TCF12: variants seen among roughly 807,000 people sequenced by gnomAD.
The protein encoded by TCF12 is DNA-binding protein HTF4.
In TCF12, 45 loss-of-function variants were observed where a neutral mutation model predicts 86.0. The ratio of observed to expected loss-of-function variants is 0.52; its 90% CI spans 0.41 to 0.67. The LOEUF is 0.67. TCF12 is among the 30% of genes least tolerant of loss of function. TCF12 has a pLI of 0.00. For synonymous variants in TCF12, 330 were observed against 299.6 expected, an observed-to-expected ratio of 1.10 and a Z score of -1.05; for missense variants, 881 against 859.9, an observed-to-expected ratio of 1.02 and a Z score of -0.31.
chr15:57,160,573 G>T (rs549291082), intron 5 of TCF12, among the ~76,000 whole-genome samples: 1 of 152,178 alleles, frequency 6.6e-6, no homozygotes, highest in Admixed American at 6.5e-5. Flanking sequence ...TCACTAAAAA[G>T]AGCTAAATGT....
chr15:57,176,858 A>G (rs1204633299), intron 6 of TCF12, among the ~76,000 whole-genome samples: 1 of 152,250 alleles, frequency 6.6e-6, no homozygotes, highest in Non-Finnish European at 1.5e-5. Context: ...GTTATGTCAA[A>G]GAGTTGAATA....
intron 4 of TCF12, among the ~76,000 whole-genome samples, chr15:57,091,255 T>C (rs1161085401): frequency 6.6e-6 from 1 of 152,208 alleles, no homozygotes; most frequent in Non-Finnish European, 1.5e-5. Context: ...GATTCATTTC[T>C]AGCATATTGA....
intron 5 of TCF12, among the ~76,000 whole-genome samples, chr15:57,106,189 TATCTTGGATTGG>T (rs2050120881): frequency 6.6e-6 from 1 of 152,232 alleles, no homozygotes; most frequent in African/African-American, 2.4e-5. Flanking sequence ...TGCAATGTGG[TATCTTGGATTGG>T]ATCTTGGAAC....
Position 57,136,958 on chromosome 15 carries a change from G to GTTTTTTTTTTTTTTTT in TCF12, c.326-29433_326-29432insTTTTTTTTTTTTTTTT, listed in dbSNP as rs869113042. 3.7e-4 allele frequency among the ~76,000 whole-genome samples: 31 copies of GTTTTTTTTTTTTTTTT among 83,044 alleles called. 13 individuals are homozygous for GTTTTTTTTTTTTTTTT. The highest frequency in any genetic ancestry group is 1.3e-3 in the African/African-American group (27 of 20,800). 54.5% of individuals were successfully genotyped at this position (83,044 alleles called of 152,430 possible). A position where few individuals can be genotyped will look rare whatever the true frequency, so the allele number is the denominator to read the frequency against. ...TAGACAATAGCCACTGCTTCTGGCAGTTTTTTTTTTTGTTTTTTTTTTTTT... is the reference window on the plus strand; with the variant it reads ...TAGACAATAGCCACTGCTTCTGGCAGTTTTTTTTTTTTTTTTTTTTTTTTTTTGTTTTTTTTTTTTT... On this transcript the variant is annotated intron_variant, in intron 5 of 20. Transcript: ENST00000333725.
chr15:57,218,610 CTG>C (rs1488785332), intron 8 of TCF12, among the ~76,000 whole-genome samples: 1 of 151,796 alleles, frequency 6.6e-6, no homozygotes, highest in Non-Finnish European at 1.5e-5. Flanking sequence ...TTATAGGAAA[CTG>C]TTTAGTTTAT....
intron 5 of TCF12, among the ~76,000 whole-genome samples, chr15:57,165,895 AT>A (rs2054856594): frequency 6.6e-6 from 1 of 152,186 alleles, no homozygotes; most frequent in Admixed American, 6.5e-5. Context: ...TGAAGCAAAC[AT>A]GGGAAAACAT....
chr15:57,183,515 C>G (rs908842571), intron 6 of TCF12, among the ~76,000 whole-genome samples: 47 of 152,270 alleles, frequency 3.1e-4, no homozygotes, highest in African/African-American at 1.0e-3. Flanking sequence ...TTACCATAGC[C>G]ATTGGGAATT....
chr15:56,931,069 G>C (rs534428656), intron 3 of TCF12, among the ~76,000 whole-genome samples: 1 of 151,402 alleles, frequency 6.6e-6, no homozygotes, highest in Admixed American at 6.6e-5. Context: ...CCTCTCCCTC[G>C]TTCCTTCACC....
At chr15:57,056,488 T>G (rs2068040178) in intron 3 of TCF12, among the ~76,000 whole-genome samples, 1 of 151,984 alleles carries the variant, frequency 6.6e-6, no homozygotes, top group Non-Finnish European at 1.5e-5. Context: ...AGAGAGAATC[T>G]CGTTCTGTCA....
intron 5 of TCF12, among the ~76,000 whole-genome samples, chr15:57,134,887 GT>G (rs11298596): frequency 0.25 from 35,260 of 141,238 alleles, 4,850 homozygotes; most frequent in African/African-American, 0.4. Flanking sequence ...GGGTTTTTGT[GT>G]TTTTTTTTTT....
At chr15:57,057,827 T>C (rs1348294914) in intron 3 of TCF12, among the ~76,000 whole-genome samples, 2 of 152,174 alleles carry the variant, frequency 1.3e-5, no homozygotes, top group African/African-American at 4.8e-5. Context: ...AGGTCAGAGA[T>C]GATTTGATTG....
chr15:57,119,649 C>T lies in TCF12; in HGVS notation c.325+27758C>T, dbSNP rs111273413. Among the ~76,000 whole-genome samples the T allele has an allele frequency of 2.7e-3, 403 of 152,002 alleles. 1 individual carries two copies. The highest frequency in any genetic ancestry group is 7.3e-3 in the South Asian group (35 of 4,804). The stretch of plus-strand genomic sequence containing the variant: ...CCTACTTTATTCAACAGCCCTCACT[C>T]CATATGGATACTGTATACTTTGGAT... On this transcript the variant is annotated intron_variant, in intron 5 of 20. Transcript: ENST00000333725.
chr15:57,197,008 T>C (rs1252097344), intron 7 of TCF12, among the ~76,000 whole-genome samples: 2 of 152,142 alleles, frequency 1.3e-5, no homozygotes, highest in East Asian at 3.8e-4. Flanking sequence ...AAATATGCTT[T>C]TAAGCCTAAT....
At chr15:57,092,467 T>G (rs560772218) in intron 5 of TCF12, among the ~76,000 whole-genome samples, 32 of 152,310 alleles carry the variant, frequency 2.1e-4, no homozygotes, top group Middle Eastern at 3.4e-3. Flanking sequence ...ATTTTTATGT[T>G]TAGGCAAAAC....
chr15:57,230,553 A>G (rs2059089051), intron 8 of TCF12, among the ~76,000 whole-genome samples: 1 of 152,076 alleles, frequency 6.6e-6, no homozygotes, highest in Non-Finnish European at 1.5e-5. Flanking sequence ...AAATTAAATG[A>G]GATTTTTCTT....
intron 6 of TCF12, among the ~76,000 whole-genome samples, chr15:57,184,267 A>G (rs1182418385): frequency 6.6e-6 from 1 of 152,198 alleles, no homozygotes; most frequent in Non-Finnish European, 1.5e-5. Flanking sequence ...TAGCCAATAC[A>G]TAAATGAATT....
At chr15:57,142,321 A>ATAGATAGATAGATAGG (rs1426338032) in intron 5 of TCF12, among the ~76,000 whole-genome samples, 1 of 152,026 alleles carries the variant, frequency 6.6e-6, no homozygotes, top group East Asian at 1.9e-4. Flanking sequence ...AGATAGATAG[A>ATAGATAGATAGATAGG]TAGATAGATA....
At chr15:57,226,112 C>G (rs2058863647) in intron 8 of TCF12, among the ~76,000 whole-genome samples, 1 of 147,150 alleles carries the variant, frequency 6.8e-6, no homozygotes, top group Non-Finnish European at 1.5e-5. Flanking sequence ...TGTACATATG[C>G]TTAAAATTAT....
chr15:57,016,082 T>C (rs116960444), intron 3 of TCF12, among the ~76,000 whole-genome samples: 6,159 of 152,296 alleles, frequency 0.04, 375 homozygotes, highest in Admixed American at 0.17. Flanking sequence ...ACTCATTCAT[T>C]ATTTACGTGT....
Sources: gnomAD v4.1 joint callset for allele counts (sites outside exome capture counted in the v4.1 genomes callset) on GRCh38, gnomAD v4.1.1 for gene constraint, MANE v1.5 for transcripts, NCBI Gene and HGNC (gene_info 2026-07-23, HGNC 2026-07-21) for gene names.